The following NPSR1 variants were observed in gnomAD, a reference collection of about 807,000 sequenced individuals.
NPSR1 encodes neuropeptide S receptor 1.
In NPSR1, 48 loss-of-function variants were observed where a neutral mutation model predicts 46.9. The ratio of observed to expected loss-of-function variants is 1.02; its 90% confidence interval spans 0.81 to 1.30. The LOEUF is 1.30. Ranked by LOEUF, NPSR1 falls within the 50% of genes most tolerant of loss-of-function variation. The pLI, the probability that NPSR1 is intolerant of heterozygous loss-of-function variation, is 0.00. For missense variants in NPSR1, 450 were observed against 449.5 expected (o/e 1.00, Z -0.01); for synonymous variants, 176 against 168.1 (o/e 1.05, Z -0.36).
intron 2 of NPSR1, among the ~76,000 whole-genome samples, chr7:34,754,045 C>CT (rs1785685704): frequency 6.6e-6 from 1 of 152,040 alleles, no homozygotes; most frequent in Non-Finnish European, 1.5e-5. Flanking sequence ...ATTCATAAAA[C>CT]TTTGACAGTT....
At chr7:34,797,386 G>C (rs1350573678) in intron 3 of NPSR1, among the ~76,000 whole-genome samples, 1 of 152,134 alleles carries the variant, frequency 6.6e-6, no homozygotes, top group Non-Finnish European at 1.5e-5. Context: ...TACCACTCTT[G>C]CATGGAAGCG....
chr7:34,792,734 T>TATATTTATATATATATGTATATATATA (rs58315247), intron 3 of NPSR1, among the ~76,000 whole-genome samples: 15 of 123,280 alleles, frequency 1.2e-4, no homozygotes, highest in Non-Finnish European at 2.2e-4. Flanking sequence ...TATATATATA[T>TATATTTATATATATATGTATATATATA]TAGCCAGGCA....
intron 2 of NPSR1, among the ~76,000 whole-genome samples, chr7:34,747,940 T>C (rs138704421): frequency 6.6e-6 from 1 of 152,308 alleles, no homozygotes; most frequent in African/African-American, 2.4e-5. Context: ...CTGCCTTCTT[T>C]ATATGGGGAC....
intron 2 of NPSR1, among the ~76,000 whole-genome samples, chr7:34,760,104 T>C (rs1786090656): frequency 6.6e-6 from 1 of 152,230 alleles, no homozygotes; most frequent in African/African-American, 2.4e-5. Context: ...CTGGCATGCA[T>C]TATAGCAAAT....
chr7:34,785,513 C>A (rs1306864810), intron 3 of NPSR1, among the ~76,000 whole-genome samples: 1 of 128,356 alleles, frequency 7.8e-6, no homozygotes, highest in African/African-American at 3.1e-5. Context: ...CACACGTACC[C>A]TAAAACTTAA....
intron 2 of NPSR1, among the ~76,000 whole-genome samples, chr7:34,748,284 T>A (rs1785316064): frequency 6.6e-6 from 1 of 152,208 alleles, no homozygotes; most frequent in Non-Finnish European, 1.5e-5. Context: ...TGATCAAACC[T>A]CTGTGAAGCT....
chr7:34,869,502 C>G (rs1468857458), intron 8 of NPSR1, among the ~76,000 whole-genome samples: 1 of 151,678 alleles, frequency 6.6e-6, no homozygotes, highest in Non-Finnish European at 1.5e-5. Context: ...TCACTGTACT[C>G]CTCCACTTCC....
intron 5 of NPSR1, among the ~76,000 whole-genome samples, chr7:34,830,678 G>A (rs565576136): frequency 6.6e-6 from 1 of 152,174 alleles, no homozygotes; most frequent in Non-Finnish European, 1.5e-5. Context: ...TAAAAGTAGT[G>A]ATTGACGTAA....
chr7:34,722,469 C>T (rs759572752), intron 2 of NPSR1, among the ~76,000 whole-genome samples: 2 of 152,172 alleles, frequency 1.3e-5, no homozygotes, highest in African/African-American at 2.4e-5. Context: ...AAAGATTTTG[C>T]ATGCTTATTA....
intron 2 of NPSR1, among the ~76,000 whole-genome samples, chr7:34,731,497 C>T (rs1484574973): frequency 6.6e-6 from 1 of 152,026 alleles, no homozygotes; most frequent in Non-Finnish European, 1.5e-5. Flanking sequence ...AAAAGTACCC[C>T]TGGGTTACAT....
chr7:34,666,512 A>G (rs1182127579), intron 1 of NPSR1, among the ~76,000 whole-genome samples: 1 of 152,182 alleles, frequency 6.6e-6, no homozygotes, highest in Non-Finnish European at 1.5e-5. Context: ...GAATTCAGAC[A>G]TAATGCATGG....
At chr7:34,797,799 G>T (rs578221668) in intron 3 of NPSR1, among the ~76,000 whole-genome samples, 1 of 152,178 alleles carries the variant, frequency 6.6e-6, no homozygotes, top group East Asian at 1.9e-4. Flanking sequence ...GAAACTTACA[G>T]ATAAATAAAC....
rs146689984 is a variant in NPSR1, at chr7:34,735,620, T to C, written c.281-42842T>C. On this transcript the variant is annotated intron_variant, in intron 2 of 8. Transcript: ENST00000360581. ...AAAACAGAATGGGGCTTATGAAAAG[T>C]AGTGCTTGATTAGTTAGTTTCAAAA... 4.6e-4 allele frequency among the ~76,000 whole-genome samples: 70 copies of C among 152,376 alleles called. 1 individual carries two copies. In the East Asian group the frequency reaches 0.013, roughly 27 times the overall value.
intron 2 of NPSR1, among the ~76,000 whole-genome samples, chr7:34,777,484 GT>G (rs200082736): frequency 0.14 from 20,329 of 140,896 alleles, 1,486 homozygotes; most frequent in Non-Finnish European, 0.18. Context: ...ATTTAAAACT[GT>G]TTTTTTTTTT....
intron 8 of NPSR1, among the ~76,000 whole-genome samples, chr7:34,873,528 G>C (rs1006585164): frequency 6.6e-6 from 1 of 151,736 alleles, no homozygotes; most frequent in Non-Finnish European, 1.5e-5. Context: ...TTACACCATG[G>C]TGAAAGGTGA....
At chr7:34,816,179 G>A (rs13307127) in intron 4 of NPSR1, among the ~76,000 whole-genome samples, 1 of 145,726 alleles carries the variant, frequency 6.9e-6, no homozygotes, top group Non-Finnish European at 1.5e-5. Context: ...CTCATCTCAT[G>A]TGCAGAGATA....
chr7:34,765,081 G>T (rs1786368276), intron 2 of NPSR1, among the ~76,000 whole-genome samples: 2 of 152,158 alleles, frequency 1.3e-5, no homozygotes, highest in Non-Finnish European at 2.9e-5. Flanking sequence ...CCCATAGGAG[G>T]CTGAGGATGA....
chr7:34,792,637 AT>A (rs1397977216), intron 3 of NPSR1, among the ~76,000 whole-genome samples: 1 of 98,056 alleles, frequency 1.0e-5, no homozygotes, highest in South Asian at 2.8e-4. Context: ...GTGTGTGTGT[AT>A]GTGTATATAT....
intron 4 of NPSR1, among the ~76,000 whole-genome samples, chr7:34,817,508 T>C (rs1789296823): frequency 1.4e-5 from 1 of 73,930 alleles, no homozygotes; most frequent in Non-Finnish European, 2.7e-5. Flanking sequence ...GTTGGTACCA[T>C]TCCTTCTGAA....
Sources: gnomAD v4.1 joint callset for allele counts (sites outside exome capture counted in the v4.1 genomes callset) on GRCh38, gnomAD v4.1.1 for gene constraint, MANE v1.5 for transcripts, NCBI Gene and HGNC (gene_info 2026-07-23, HGNC 2026-07-21) for gene names.